Variants in KCND2 observed in about 807,000 individuals in gnomAD.
KCND2 encodes A-type voltage-gated potassium channel KCND2.
Under a neutral mutation model 54.4 loss-of-function variants are expected in KCND2, and 16 were observed. That is an observed-to-expected ratio of 0.29 (90% confidence interval 0.20 to 0.45). The LOEUF (loss-of-function observed/expected upper bound fraction) is 0.45, where lower values mean the gene tolerates loss of function less well. Among genes scored for constraint, KCND2 ranks in the 20% least tolerant of loss-of-function variants. KCND2 has a pLI of 1.00. For synonymous variants in KCND2, 317 were observed against 310.7 expected (o/e 1.02, Z -0.21); for missense variants, 486 against 824.2 (o/e 0.59, Z 5.02).
At chr7:120,421,843 A>G (rs1289632152) in intron 1 of KCND2, among the ~76,000 whole-genome samples, 1 of 152,206 alleles carries the variant, frequency 6.6e-6, no homozygotes, top group African/African-American at 2.4e-5. Context: ...GGCATGGATT[A>G]GCAATGTTGG....
intron 1 of KCND2, among the ~76,000 whole-genome samples, chr7:120,400,356 C>G (rs1375061942): frequency 1.3e-5 from 2 of 152,112 alleles, no homozygotes; most frequent in African/African-American, 4.8e-5. Flanking sequence ...CAGCAAACAA[C>G]CATACTCCAA....
chr7:120,303,084 T>G (rs1006469653), intron 1 of KCND2, among the ~76,000 whole-genome samples: 8 of 152,168 alleles, frequency 5.3e-5, no homozygotes, highest in African/African-American at 1.7e-4. Context: ...AAATTTTACT[T>G]TGTTTGGCAG....
At chr7:120,607,455 G>T (rs183065770) in intron 1 of KCND2, among the ~76,000 whole-genome samples, 132 of 152,062 alleles carry the variant, frequency 8.7e-4, no homozygotes, top group Middle Eastern at 3.4e-3. Flanking sequence ...TTATTTTCTG[G>T]TACTACCCAC....
At chr7:120,302,870 A>G (rs1187181640) in intron 1 of KCND2, among the ~76,000 whole-genome samples, 2 of 152,228 alleles carry the variant, frequency 1.3e-5, no homozygotes, top group Non-Finnish European at 2.9e-5. Flanking sequence ...AGTAGATTTT[A>G]GAGATTACCT....
chr7:120,290,700 A>G (rs1334671907), intron 1 of KCND2, among the ~76,000 whole-genome samples: 1 of 151,936 alleles, frequency 6.6e-6, no homozygotes, highest in African/African-American at 2.4e-5. Context: ...ATTATTCAAT[A>G]TCCTGTACAT....
intron 1 of KCND2, among the ~76,000 whole-genome samples, chr7:120,280,341 G>A (rs1584709155): frequency 6.6e-6 from 1 of 152,122 alleles, no homozygotes. Flanking sequence ...TTAAAAATAT[G>A]TATGTTAATC....
intron 1 of KCND2, among the ~76,000 whole-genome samples, chr7:120,291,847 A>AT (rs1476272371): frequency 6.6e-6 from 1 of 151,862 alleles, no homozygotes; most frequent in East Asian, 1.9e-4. Context: ...TCAACCATCA[A>AT]TTTTTGTAGT....
chr7:120,328,896 T>G (rs1243004710), intron 1 of KCND2, among the ~76,000 whole-genome samples: 1 of 152,168 alleles, frequency 6.6e-6, no homozygotes, highest in Non-Finnish European at 1.5e-5. Flanking sequence ...TTCAGTATTA[T>G]TTAACAAATC....
intron 5 of KCND2, among the ~76,000 whole-genome samples, chr7:120,746,282 C>G (rs573774180): frequency 2.0e-5 from 3 of 152,288 alleles, no homozygotes; most frequent in East Asian, 1.9e-4. Context: ...GTGTTTTTCT[C>G]TCTTCTGTTC....
At chr7:120,527,126 C>T (rs1791786408) in intron 1 of KCND2, among the ~76,000 whole-genome samples, 1 of 151,958 alleles carries the variant, frequency 6.6e-6, no homozygotes, top group Admixed American at 6.6e-5. Context: ...TAACATATAT[C>T]GTTACACAGT....
chr7:120,349,327 A>AAACAC (rs1800368791), intron 1 of KCND2, among the ~76,000 whole-genome samples: 12 of 144,460 alleles, frequency 8.3e-5, no homozygotes, highest in South Asian at 2.2e-4. Flanking sequence ...CACACACACA[A>AAACAC]ACACACACAC....
chr7:120,619,329 C>T (rs1167269141), intron 1 of KCND2, among the ~76,000 whole-genome samples: 1 of 152,184 alleles, frequency 6.6e-6, no homozygotes, highest in African/African-American at 2.4e-5. Context: ...ACTCAGGAAA[C>T]TGAGCCAGGG....
chr7:120,607,365 A>C (rs1276350711), intron 1 of KCND2, among the ~76,000 whole-genome samples: 2 of 152,138 alleles, frequency 1.3e-5, no homozygotes, highest in South Asian at 4.1e-4. Context: ...CCATTAATGC[A>C]GTTTTAATGA....
intron 1 of KCND2, among the ~76,000 whole-genome samples, chr7:120,527,874 G>T (rs1397897289): frequency 6.6e-6 from 1 of 151,990 alleles, no homozygotes; most frequent in East Asian, 1.9e-4. Context: ...ACATATCTTT[G>T]CAAAATAGGC....
rs985800869 is a variant in KCND2, at chr7:120,453,735, G to A, written c.1115+177988G>A. On this transcript the variant is annotated intron_variant, in intron 1 of 5. Coordinates refer to ENST00000331113, the MANE Select transcript of KCND2 (RefSeq NM_012281.3). Reference sequence around the variant, plus strand: ...GAATATATTAATACTAGAATTTCTCGGACACAGCTAAAGCAATGTAAAAAG... The same window carrying A: ...GAATATATTAATACTAGAATTTCTCAGACACAGCTAAAGCAATGTAAAAAG... Among the ~76,000 whole-genome samples the A allele has an allele frequency of 9.9e-5, 15 of 151,996 alleles. No individual in the cohort carries two copies. The East Asian group carries it at 1.5e-3, about 16-fold the overall frequency.
intron 1 of KCND2, among the ~76,000 whole-genome samples, chr7:120,578,304 T>C (rs1253311406): frequency 6.6e-6 from 1 of 151,782 alleles, no homozygotes; most frequent in Non-Finnish European, 1.5e-5. Context: ...AAAATAATAA[T>C]AATATATTTT....
intron 1 of KCND2, among the ~76,000 whole-genome samples, chr7:120,656,168 T>A (rs570331615): frequency 6.6e-6 from 1 of 152,322 alleles, no homozygotes; most frequent in East Asian, 1.9e-4. Flanking sequence ...AGTTTTATAC[T>A]AGCCCATATC....
chr7:120,478,452 T>C (rs1037710788), intron 1 of KCND2, among the ~76,000 whole-genome samples: 3 of 152,158 alleles, frequency 2.0e-5, no homozygotes, highest in Admixed American at 6.5e-5. Context: ...GAAGTAGCAT[T>C]TTCCTTGGAA....
intron 1 of KCND2, among the ~76,000 whole-genome samples, chr7:120,676,417 A>G (rs1162269310): frequency 1.3e-5 from 2 of 152,186 alleles, no homozygotes. Context: ...CTTGCTCTGC[A>G]TCACTGAATT....
Sources: gnomAD v4.1 joint callset for allele counts (sites outside exome capture counted in the v4.1 genomes callset) on GRCh38, gnomAD v4.1.1 for gene constraint, MANE v1.5 for transcripts, NCBI Gene and HGNC (gene_info 2026-07-23, HGNC 2026-07-21) for gene names.